Variants in YY1 observed in about 807,000 individuals in gnomAD.
YY1 encodes YY1 transcription factor, also known as transcriptional repressor protein YY1.
A neutral mutation model predicts 35.6 loss-of-function variants in YY1; 2 were observed. That is an observed-to-expected ratio of 0.06 (90% CI 0.02 to 0.18). The LOEUF (loss-of-function observed/expected upper bound fraction) is 0.18. YY1 is among the 10% of genes least tolerant of loss of function. YY1 has a pLI of 1.00. For synonymous variants in YY1, 268 were observed against 238.9 expected (o/e 1.12, Z -1.12); for missense variants, 322 against 573.4 (o/e 0.56, Z 4.48).
chr14:100,255,740 T>A (rs1330048861), intron 1 of YY1, among the ~76,000 whole-genome samples: 1 of 152,234 alleles, frequency 6.6e-6, no homozygotes, highest in Non-Finnish European at 1.5e-5. Context: ...CTCTTGTCTG[T>A]GCTTAGGGCA....
At chr14:100,267,540 T>G (rs943418541) in intron 2 of YY1, among the ~76,000 whole-genome samples, 72 of 152,176 alleles carry the variant, frequency 4.7e-4, no homozygotes, top group Middle Eastern at 3.4e-3. Flanking sequence ...GCTTTTTTTT[T>G]TTTAAATGGA....
At chr14:100,268,023 C>T (rs953265072) in intron 2 of YY1, among the ~76,000 whole-genome samples, 2 of 152,176 alleles carry the variant, frequency 1.3e-5, no homozygotes, top group Non-Finnish European at 2.9e-5. Context: ...GATACAGAGG[C>T]ACCAAGAGTT....
chr14:100,274,512 A>C (rs1320803818), intron 2 of YY1, among the ~76,000 whole-genome samples, 186 bp from the exon 3 acceptor site: 6 of 152,236 alleles, frequency 3.9e-5, no homozygotes, highest in African/African-American at 1.4e-4. Context: ...GTAAGATGGG[A>C]AGAGTGCTTC....
At chr14:100,257,944 A>G (rs1260947604) in intron 1 of YY1, among the ~76,000 whole-genome samples, 1 of 152,060 alleles carries the variant, frequency 6.6e-6, no homozygotes, top group African/African-American at 2.4e-5. Context: ...AAACCAGCCT[A>G]GGTAACATAG....
At chr14:100,268,760 C>G (rs1359834255) in intron 2 of YY1, among the ~76,000 whole-genome samples, 1 of 152,254 alleles carries the variant, frequency 6.6e-6, no homozygotes, top group South Asian at 2.1e-4. Flanking sequence ...AAATGACAGC[C>G]GTATTACGCA....
intron 2 of YY1, among the ~76,000 whole-genome samples, chr14:100,264,812 T>C (rs1891130488): frequency 6.6e-6 from 1 of 152,076 alleles, no homozygotes; most frequent in South Asian, 2.1e-4. Flanking sequence ...ATAAATGTGA[T>C]AGAAATTACA....
intron 1 of YY1, among the ~76,000 whole-genome samples, chr14:100,245,419 C>G (rs1269003008): frequency 6.6e-6 from 1 of 152,060 alleles, no homozygotes; most frequent in African/African-American, 2.4e-5. Flanking sequence ...GTAACTGGGA[C>G]TACAGACACC....
chr14:100,247,775 T>C (rs1208608806), intron 1 of YY1, among the ~76,000 whole-genome samples: 5 of 152,156 alleles, frequency 3.3e-5, no homozygotes, highest in African/African-American at 1.2e-4. Context: ...TCTGTTTAAC[T>C]TCATGAATAA....
rs1460803064 is a variant in YY1 at position 100,280,259 on chromosome 14, CAG to C, written c.*2660_*2661del. On this transcript the variant is annotated 3_prime_UTR_variant, in exon 5 of 5. Coordinates refer to ENST00000262238, the MANE Select transcript of YY1 (RefSeq NM_003403.5). Reference sequence around the variant, plus strand: ...ACTAAGGTTTGAAATGGTATTCTAACAGTGAGTCCATTGTCTTGAGGATTAAT... The same window carrying C: ...ACTAAGGTTTGAAATGGTATTCTAACTGAGTCCATTGTCTTGAGGATTAAT... 6.6e-6 allele frequency: 1 copy of C among 152,188 alleles called. No homozygotes were observed. Among genetic ancestry groups the C allele is most frequent in the Non-Finnish European group, 1.5e-5 (1 of 68,040 alleles). The allele number at this position is 152,188 out of a possible 1,614,324, so 9.4% of individuals were successfully genotyped here.
At chr14:100,246,074 C>G (rs1052590344) in intron 1 of YY1, among the ~76,000 whole-genome samples, 4 of 152,122 alleles carry the variant, frequency 2.6e-5, no homozygotes, top group African/African-American at 9.7e-5. Context: ...CTGTGACCCT[C>G]TCTAAGGCTG....
rs57406488 is a variant in YY1, at chr14:100,242,378, GTTTTTTTTTTTT to G, written c.679+2472_679+2483del. On this transcript the variant is annotated intron_variant, in intron 1 of 4. Coordinates refer to ENST00000262238, the MANE Select transcript of YY1 (RefSeq NM_003403.5). ...AAGTGGCTGTTTTGTTTTGTTTTTT[GTTTTTTTTTTTT>G]TTTTTTTTTTTTTTTTGAGATGGAG... is the stretch of plus-strand genomic sequence containing the variant. Among the ~76,000 whole-genome samples, 198 of 109,960 alleles carry G rather than the reference GTTTTTTTTTTTT, an allele frequency of 1.8e-3. 1 individual carries two copies. Among genetic ancestry groups the G allele is most frequent in the African/African-American group, 1.8e-3 (59 of 32,042 alleles). The allele number at this position is 109,960 out of a possible 152,430, so 72.1% of individuals were successfully genotyped here. A position where few individuals can be genotyped will look rare whatever the true frequency, so the allele number is the denominator to read the frequency against.
At chr14:100,244,850 T>G (rs569680401) in intron 1 of YY1, among the ~76,000 whole-genome samples, 3 of 151,772 alleles carry the variant, frequency 2.0e-5, no homozygotes, top group Non-Finnish European at 4.4e-5. Context: ...TGAGCCACTG[T>G]GCCTGACCTC....
At chr14:100,244,770 C>T (rs1449392764) in intron 1 of YY1, among the ~76,000 whole-genome samples, 2 of 151,840 alleles carry the variant, frequency 1.3e-5, no homozygotes, top group African/African-American at 4.8e-5. Context: ...TTATGTTGCC[C>T]AGGCTGGTGT....
At chr14:100,248,605 C>T (rs914230099) in intron 1 of YY1, among the ~76,000 whole-genome samples, 6 of 151,266 alleles carry the variant, frequency 4.0e-5, no homozygotes, top group South Asian at 4.2e-4. Flanking sequence ...TGGGCTCAAG[C>T]GGTTCTCTGG....
chr14:100,263,214 G>C (rs1462874878), intron 2 of YY1, among the ~76,000 whole-genome samples: 1 of 152,208 alleles, frequency 6.6e-6, no homozygotes, highest in Admixed American at 6.5e-5. Flanking sequence ...CCAGCCTGTA[G>C]TACACATTTT....
At chr14:100,245,625 G>T (rs1448766827) in intron 1 of YY1, among the ~76,000 whole-genome samples, 2 of 151,194 alleles carry the variant, frequency 1.3e-5, no homozygotes, top group African/African-American at 2.4e-5. Flanking sequence ...GGTTTTTTTT[G>T]AAACGGAGTC....
At chr14:100,270,594 G>A (rs1198988384) in intron 2 of YY1, among the ~76,000 whole-genome samples, 1 of 152,100 alleles carries the variant, frequency 6.6e-6, no homozygotes, top group Non-Finnish European at 1.5e-5. Context: ...CTTCACTCCA[G>A]CCTGGGCAAA....
At chr14:100,270,456 CAAAAA>C (rs34083329) in intron 2 of YY1, among the ~76,000 whole-genome samples, 8 of 98,094 alleles carry the variant, frequency 8.2e-5, no homozygotes, top group African/African-American at 3.2e-4. Context: ...ACTAAAAATA[CAAAAA>C]AAAAAAAAAA....
rs187767104 is a variant in YY1 at position 100,270,493 on chromosome 14, C to T, written c.843-4205C>T. On this transcript the variant is annotated intron_variant, in intron 2 of 4. Coordinates refer to ENST00000262238, the MANE Select transcript of YY1 (RefSeq NM_003403.5). Reference sequence around the variant, plus strand: ...AAAAAAATAGCCAGGCATGGTGGCACGCGCCTGTAATCCCAGCTACTCAGG... The same window carrying T: ...AAAAAAATAGCCAGGCATGGTGGCATGCGCCTGTAATCCCAGCTACTCAGG... 6.0e-3 allele frequency among the ~76,000 whole-genome samples: 833 copies of T among 138,814 alleles called. 5 individuals are homozygous for T. The highest frequency in any genetic ancestry group is 0.021 in the African/African-American group (793 of 37,304). 91.1% of individuals were successfully genotyped at this position (138,814 alleles called of 152,430 possible).
Sources: allele counts gnomAD v4.1 joint callset (sites outside exome capture counted in the v4.1 genomes callset), GRCh38; gene constraint gnomAD v4.1.1; transcripts MANE v1.5; gene names NCBI Gene and HGNC (gene_info 2026-07-23, HGNC 2026-07-21).